The following DMD variants were observed in gnomAD, a reference collection of about 807,000 sequenced individuals.
DMD encodes the protein dystrophin, also known as mutant dystrophin.
In DMD, 63 loss-of-function variants were observed where a neutral mutation model predicts 330.1. The ratio of observed to expected loss-of-function variants is 0.19; its 90% CI spans 0.16 to 0.24. The LOEUF (loss-of-function observed/expected upper bound fraction) is 0.24. Among genes scored for constraint, DMD ranks in the 10% least tolerant of loss-of-function variants. The pLI, the probability that DMD is intolerant of heterozygous loss-of-function variation, is 1.00. For missense variants in DMD, 3,344 were observed against 2,684.1 expected (o/e 1.25, Z -5.43); for synonymous variants, 1,223 against 959.8 (o/e 1.27, Z -5.07).
At chrX:32,929,260 C>T (rs1570029) in intron 2 of DMD, among the ~76,000 whole-genome samples, 27,563 of 110,344 alleles carry the variant, frequency 0.25, 3,036 homozygotes, top group East Asian at 0.45. Flanking sequence ...AGAGCTCCAC[C>T]AAATTATATC....
chrX:31,553,435 G>GT (rs749071127), intron 55 of DMD, among the ~76,000 whole-genome samples: 227 of 110,728 alleles, frequency 2.1e-3, no homozygotes, highest in African/African-American at 5.0e-3. Flanking sequence ...AAGTAATTGC[G>GT]TTTTTTTTAC....
intron 63 of DMD, among the ~76,000 whole-genome samples, chrX:31,240,229 T>A (rs1156953788): frequency 2.7e-5 from 3 of 111,551 alleles, no homozygotes; most frequent in Non-Finnish European, 5.6e-5. Context: ...GTTAATTATG[T>A]AAAAGGTAAT....
intron 45 of DMD, among the ~76,000 whole-genome samples, chrX:31,943,878 TGAGAGAGAGAGAGAGAGAGAGA>T (rs536982335): frequency 0.21 from 15,289 of 74,410 alleles, 1,031 homozygotes; most frequent in African/African-American, 0.27. Flanking sequence ...CCCCAGAGAG[TGAGAGAGAGAGAGAGAGAGAGA>T]GAGAGAGAGA....
intron 9 of DMD, among the ~76,000 whole-genome samples, chrX:32,673,876 G>T (rs1382784118): frequency 9.0e-6 from 1 of 111,586 alleles, no homozygotes; most frequent in Non-Finnish European, 1.9e-5. Flanking sequence ...TGGGTTACTG[G>T]GTCATGGAAT....
intron 62 of DMD, among the ~76,000 whole-genome samples, chrX:31,282,505 A>G (rs1214365173): frequency 9.0e-6 from 1 of 111,241 alleles, no homozygotes; most frequent in Non-Finnish European, 1.9e-5. Context: ...CCTAAGACTA[A>G]TAAAGTCATT....
chrX:32,773,513 T>C (rs112462261), intron 7 of DMD, among the ~76,000 whole-genome samples: 1,566 of 45,021 alleles, frequency 0.035, 23 homozygotes, highest in African/African-American at 0.08. Context: ...CTATATACTT[T>C]TTATTTTTTT....
At chrX:32,968,994 C>CT (rs777544663) in intron 2 of DMD, among the ~76,000 whole-genome samples, 5 of 88,978 alleles carry the variant, frequency 5.6e-5, no homozygotes, top group African/African-American at 2.1e-4. Context: ...TGCCACTGCC[C>CT]TCCAGCCTGG....
At chrX:31,999,110 A>G (rs1468180573) in intron 44 of DMD, among the ~76,000 whole-genome samples, 3 of 112,139 alleles carry the variant, frequency 2.7e-5, no homozygotes, top group Non-Finnish European at 5.6e-5. Context: ...GCACCAACAA[A>G]TCAATAGTAA....
At chrX:32,076,475 G>T (rs1177736513) in intron 44 of DMD, among the ~76,000 whole-genome samples, 1 of 107,678 alleles carries the variant, frequency 9.3e-6, no homozygotes, top group East Asian at 2.9e-4. Flanking sequence ...CACCTCCCGG[G>T]TTCACACCAT....
chrX:32,076,443 G>C (rs2096351753), intron 44 of DMD, among the ~76,000 whole-genome samples: 1 of 102,984 alleles, frequency 9.7e-6, no homozygotes, highest in African/African-American at 3.6e-5. Context: ...GGAGTGTCGT[G>C]ATCTCAGCTC....
At chrX:31,857,311 G>A (rs990444282) in intron 48 of DMD, among the ~76,000 whole-genome samples, 7 of 99,758 alleles carry the variant, frequency 7.0e-5, no homozygotes, top group South Asian at 4.9e-4. Flanking sequence ...CCCAGGAGGC[G>A]GAGGCTGCAG....
intron 11 of DMD, among the ~76,000 whole-genome samples, chrX:32,643,286 T>A (rs1015837968): frequency 9.0e-6 from 1 of 111,149 alleles, no homozygotes; most frequent in Non-Finnish European, 1.9e-5. Flanking sequence ...ACACTATAAT[T>A]TAGTACTGGA....
At chrX:33,174,034 CAAAAAAAAAA>C (rs200540950) in intron 1 of DMD, among the ~76,000 whole-genome samples, 1 of 52,803 alleles carries the variant, frequency 1.9e-5, no homozygotes, top group Non-Finnish European at 4.4e-5. Flanking sequence ...TTGGTAACTA[CAAAAAAAAAA>C]AAAAAAAAAA....
At chrX:32,782,986 GGTGT>G (rs1198093672) in intron 7 of DMD, among the ~76,000 whole-genome samples, 11 of 98,859 alleles carry the variant, frequency 1.1e-4, no homozygotes, top group Non-Finnish European at 2.0e-4. Context: ...ATACCTATAT[GGTGT>G]GTGTATATAT....
intron 44 of DMD, among the ~76,000 whole-genome samples, chrX:32,204,725 C>T (rs1267429550): frequency 9.1e-6 from 1 of 110,134 alleles, no homozygotes; most frequent in Admixed American, 9.8e-5. Context: ...TCACTGGCAT[C>T]TACTTCTGGT....
intron 44 of DMD, among the ~76,000 whole-genome samples, chrX:32,027,164 G>GCGCACACACACACA (rs1557075784): frequency 3.4e-5 from 3 of 89,517 alleles, no homozygotes; most frequent in South Asian, 6.4e-4. Context: ...ACACGCACGT[G>GCGCACACACACACA]CACACACACA....
chrX:31,974,117 C>T (rs113713627), intron 44 of DMD, among the ~76,000 whole-genome samples: 14,396 of 111,494 alleles, frequency 0.13, 925 homozygotes, highest in African/African-American at 0.24. Flanking sequence ...TGCGGAAGCA[C>T]GGATGCAGTT....
chrX:32,342,856 A>G, intron 40 of DMD: 1 of 398,978 alleles, frequency 2.5e-6, no homozygotes, highest in Non-Finnish European at 4.6e-6. Context: ...TTCATCTGGA[A>G]CAAAGATACA....
At chrX:33,313,690 A>T (rs957309314) in intron 1 of DMD, among the ~76,000 whole-genome samples, 2 of 109,189 alleles carry the variant, frequency 1.8e-5, no homozygotes, top group Admixed American at 9.9e-5. Context: ...AAAAAAAAAA[A>T]TGCAAAGGAA....
Sources: gnomAD v4.1 joint callset for allele counts (sites outside exome capture counted in the v4.1 genomes callset) on GRCh38, gnomAD v4.1.1 for gene constraint, MANE v1.5 for transcripts, NCBI Gene and HGNC (gene_info 2026-07-23, HGNC 2026-07-21) for gene names.